Variants in SEMA4D observed in about 807,000 individuals in gnomAD.
The protein encoded by SEMA4D is semaphorin 4D.
SEMA4D carries 22 observed loss-of-function variants against 74.8 expected under a neutral mutation model. The observed-to-expected ratio is 0.29, with a 90% CI of 0.21 to 0.42. The LOEUF (loss-of-function observed/expected upper bound fraction) is 0.42. Ranked by LOEUF, SEMA4D falls within the 10% of genes least tolerant of loss-of-function variation. SEMA4D has a pLI of 1.00. For missense variants in SEMA4D, 937 were observed against 1,118.4 expected, an observed-to-expected ratio of 0.84 and a Z score of 2.31; for synonymous variants, 445 against 463.7, an observed-to-expected ratio of 0.96 and a Z score of 0.52.
chr9:89,428,380 A>T (rs530718429), intron 2 of SEMA4D, among the ~76,000 whole-genome samples: 2 of 152,306 alleles, frequency 1.3e-5, no homozygotes, highest in South Asian at 4.1e-4. Flanking sequence ...CGAGGGCAAG[A>T]CCCATATGAC....
intron 1 of SEMA4D, among the ~76,000 whole-genome samples, chr9:89,478,527 C>T (rs1283167956): frequency 2.0e-5 from 3 of 152,138 alleles, no homozygotes; most frequent in South Asian, 4.1e-4. Context: ...GTGTGTGGTA[C>T]TTTTTATGGC....
chr9:89,433,942 A>G (rs985333579), intron 2 of SEMA4D, among the ~76,000 whole-genome samples: 2 of 152,230 alleles, frequency 1.3e-5, no homozygotes, highest in African/African-American at 4.8e-5. Context: ...CATGGATGCT[A>G]TGATGAGCTG....
At chr9:89,435,908 G>C (rs932458202) in intron 2 of SEMA4D, among the ~76,000 whole-genome samples, 1 of 152,240 alleles carries the variant, frequency 6.6e-6, no homozygotes, top group African/African-American at 2.4e-5. Context: ...CATATCTGCT[G>C]TGCCGCATCC....
intron 1 of SEMA4D, among the ~76,000 whole-genome samples, chr9:89,463,096 T>C (rs1252712059): frequency 1.3e-5 from 2 of 151,638 alleles, no homozygotes; most frequent in Non-Finnish European, 2.9e-5. Context: ...AGAAGGCTTC[T>C]GGCACTCTCT....
intron 2 of SEMA4D, among the ~76,000 whole-genome samples, chr9:89,454,736 A>C (rs1855517186): frequency 6.6e-6 from 1 of 152,184 alleles, no homozygotes; most frequent in South Asian, 2.1e-4. Context: ...AGTCCCCCAG[A>C]GCCTACAATC....
chr9:89,473,068 A>G (rs1014117667), intron 1 of SEMA4D, among the ~76,000 whole-genome samples: 9 of 152,208 alleles, frequency 5.9e-5, no homozygotes, highest in African/African-American at 1.2e-4. Flanking sequence ...CGCCTAGGCA[A>G]CAGAGCAAGA....
At chr9:89,480,457 G>A (rs1218481841) in intron 1 of SEMA4D, among the ~76,000 whole-genome samples, 6 of 152,276 alleles carry the variant, frequency 3.9e-5, no homozygotes, top group African/African-American at 1.2e-4. Context: ...ACTGGGCGCC[G>A]TGGAGCAGGG....
intron 1 of SEMA4D, among the ~76,000 whole-genome samples, chr9:89,467,912 G>C (rs1296879207): frequency 6.6e-6 from 1 of 152,210 alleles, no homozygotes; most frequent in Non-Finnish European, 1.5e-5. Context: ...ACAGCCTCAG[G>C]CTTGGAGAGC....
chr9:89,395,756 C>G (rs1840825846), intron 6 of SEMA4D, among the ~76,000 whole-genome samples: 1 of 152,182 alleles, frequency 6.6e-6, no homozygotes, highest in Non-Finnish European at 1.5e-5. Context: ...CCCCAGACGT[C>G]TGTGTGCAAA....
At chr9:89,385,830 G>T in intron 13 of SEMA4D, 4 of 879,190 alleles carry the variant, frequency 4.5e-6, no homozygotes, top group Non-Finnish European at 5.5e-6. Context: ...TAGGAGCCAG[G>T]GCCAGGGAGG....
At chr9:89,479,543 A>G (rs1216899144) in intron 1 of SEMA4D, 5 of 180,850 alleles carry the variant, frequency 2.8e-5, no homozygotes, top group Non-Finnish European at 4.4e-5. Context: ...GAAGCCGTGG[A>G]CCCTCGCGGT....
chr9:89,385,952 G>A, intron 13 of SEMA4D: 6 of 977,264 alleles, frequency 6.1e-6, no homozygotes, highest in Non-Finnish European at 7.2e-6. Context: ...CAGCTTTACA[G>A]ATGAGACGAA....
chr9:89,394,961 G>A (rs565614326), intron 6 of SEMA4D, among the ~76,000 whole-genome samples: 5 of 152,236 alleles, frequency 3.3e-5, no homozygotes, highest in East Asian at 3.9e-4. Flanking sequence ...TGGGAGTCAC[G>A]GGTCATAGTT....
intron 2 of SEMA4D, chr9:89,450,726 CATT>C (rs1854290489): frequency 1.6e-6 from 2 of 1,261,752 alleles, no homozygotes; most frequent in Admixed American, 4.8e-5. Flanking sequence ...AGTGGGGAAA[CATT>C]AGAAGAAAAT....
intron 1 of SEMA4D, among the ~76,000 whole-genome samples, chr9:89,489,490 T>A (rs1045445261): frequency 6.6e-6 from 1 of 152,196 alleles, no homozygotes; most frequent in Non-Finnish European, 1.5e-5. Context: ...GCATATTAAG[T>A]GTTCACTTCC....
At chr9:89,476,039 C>T (rs1861659237) in intron 1 of SEMA4D, among the ~76,000 whole-genome samples, 2 of 152,206 alleles carry the variant, frequency 1.3e-5, no homozygotes, top group South Asian at 2.1e-4. Context: ...AGCAACCTTC[C>T]TAAGAAGCAG....
chr9:89,375,227 GAC>G (rs896388856), downstream of SEMA4D, among the ~76,000 whole-genome samples: 8 of 152,168 alleles, frequency 5.3e-5, no homozygotes, highest in African/African-American at 1.4e-4. Context: ...GCTGCGACAG[GAC>G]ACAGTCTCCA....
rs534656574 is a variant in SEMA4D at position 89,460,250 on chromosome 9, G to C, written c.-309-4297C>G. 3.3e-5 allele frequency among the ~76,000 whole-genome samples: 5 copies of C among 152,326 alleles called. No homozygotes were observed. The South Asian group carries it at 1.0e-3, about 32-fold the overall frequency. ...CTGAGAAACAGCTGGCCTTGGGTAAGGCATCCTTTGACCCTGCCACCTTCA... is the reference window on the plus strand; with the variant it reads ...CTGAGAAACAGCTGGCCTTGGGTAACGCATCCTTTGACCCTGCCACCTTCA... On this transcript the variant is annotated intron_variant, in intron 1 of 15. Coordinates refer to ENST00000422704, the MANE Select transcript of SEMA4D (RefSeq NM_001371194.2).
At chr9:89,371,033 G>T (rs1834557768) in intron 16 of SEMA4D, among the ~76,000 whole-genome samples, 1 of 141,808 alleles carries the variant, frequency 7.1e-6, no homozygotes. Flanking sequence ...TCTGGGGTGG[G>T]GTGTGGTGTG....
Sources: gnomAD v4.1 joint callset for allele counts (sites outside exome capture counted in the v4.1 genomes callset) on GRCh38, gnomAD v4.1.1 for gene constraint, MANE v1.5 for transcripts, NCBI Gene and HGNC (gene_info 2026-07-23, HGNC 2026-07-21) for gene names.